EXOC6B: variants seen among roughly 807,000 people sequenced by gnomAD.
The protein encoded by EXOC6B is exocyst complex component 6B.
A neutral mutation model predicts 113.5 loss-of-function variants in EXOC6B; 54 were observed. The observed-to-expected ratio is 0.48, with a 90% CI of 0.38 to 0.60. The LOEUF is 0.60. EXOC6B is among the 20% of genes least tolerant of loss of function. The pLI is 0.00. For missense variants in EXOC6B, 797 were observed against 977.5 expected (o/e 0.82, Z 2.46); for synonymous variants, 357 against 339.0 (o/e 1.05, Z -0.58).
chr2:72,502,373 C>T (rs1700372081), intron 11 of EXOC6B, among the ~76,000 whole-genome samples: 1 of 152,102 alleles, frequency 6.6e-6, no homozygotes, highest in African/African-American at 2.4e-5. Context: ...TACGACAAAA[C>T]CTTATCCCCA....
chr2:72,700,205 G>A (rs1158803987), intron 6 of EXOC6B, among the ~76,000 whole-genome samples: 1 of 145,232 alleles, frequency 6.9e-6, no homozygotes, highest in Non-Finnish European at 1.5e-5. Context: ...TTGGAGGGAT[G>A]GCTGCATCCT....
intron 8 of EXOC6B, among the ~76,000 whole-genome samples, chr2:72,553,571 G>A (rs953501476): frequency 2.6e-5 from 4 of 151,848 alleles, no homozygotes; most frequent in Admixed American, 6.6e-5. Context: ...AACAAAAAAT[G>A]AGCTCAGAAA....
intron 21 of EXOC6B, among the ~76,000 whole-genome samples, chr2:72,183,330 C>G (rs1368092980): frequency 6.6e-6 from 1 of 152,212 alleles, no homozygotes; most frequent in African/African-American, 2.4e-5. Flanking sequence ...TGCCAGCTCT[C>G]TAATAGATTA....
At chr2:72,318,942 G>C (rs1012090927) in intron 20 of EXOC6B, among the ~76,000 whole-genome samples, 1 of 151,018 alleles carries the variant, frequency 6.6e-6, no homozygotes, top group African/African-American at 2.4e-5. Flanking sequence ...ATGTTGGTTG[G>C]GCTTCTATAA....
chr2:72,250,420 G>A (rs1163374736), intron 20 of EXOC6B, among the ~76,000 whole-genome samples: 2 of 152,088 alleles, frequency 1.3e-5, no homozygotes, highest in African/African-American at 2.4e-5. Context: ...TTGGCTCATT[G>A]CAACTTCTGC....
intron 8 of EXOC6B, among the ~76,000 whole-genome samples, chr2:72,517,631 A>G (rs1190880911): frequency 6.6e-6 from 1 of 152,156 alleles, no homozygotes; most frequent in Middle Eastern, 3.2e-3. Context: ...AATCTTAATT[A>G]CATTCTGTAT....
chr2:72,818,847 G>C (rs936251045), intron 1 of EXOC6B, among the ~76,000 whole-genome samples: 2 of 152,152 alleles, frequency 1.3e-5, no homozygotes, highest in Admixed American at 1.3e-4. Context: ...CCCTCACAGA[G>C]AGCCATATGG....
At chr2:72,767,479 G>C (rs1683132007) in intron 1 of EXOC6B, among the ~76,000 whole-genome samples, 2 of 151,882 alleles carry the variant, frequency 1.3e-5, no homozygotes, top group South Asian at 4.2e-4. Context: ...AAGAACTTTT[G>C]TGTATGTGTT....
chr2:72,197,155 G>T (rs561736499), intron 20 of EXOC6B, among the ~76,000 whole-genome samples: 3 of 152,210 alleles, frequency 2.0e-5, no homozygotes, highest in South Asian at 4.1e-4. Flanking sequence ...TGCCATACTG[G>T]GCTAGTTATC....
At chr2:72,703,973 G>A (rs111963908) in intron 6 of EXOC6B, among the ~76,000 whole-genome samples, 5,709 of 151,916 alleles carry the variant, frequency 0.038, 320 homozygotes, top group African/African-American at 0.13. Flanking sequence ...GAAACCAAGC[G>A]GACCTAATAG....
rs532015450 is a variant in EXOC6B, at chr2:72,804,034, A to G, written c.113+21764T>C. On this transcript the variant is annotated intron_variant, in intron 1 of 21. Transcript: ENST00000272427. ...GCTGACAGGAGCTTCTGAGCTATGT[A>G]TATCACCTAAAGCTTCATCTTTACA... Among the ~76,000 whole-genome samples, 5 of 152,324 alleles carry G rather than the reference A, an allele frequency of 3.3e-5. No homozygotes were observed. The South Asian group carries it at 1.0e-3, about 32-fold the overall frequency.
intron 20 of EXOC6B, among the ~76,000 whole-genome samples, chr2:72,275,559 T>C (rs1332229768): frequency 6.6e-6 from 1 of 152,322 alleles, no homozygotes; most frequent in East Asian, 1.9e-4. Context: ...CACATAGACA[T>C]GGATGGTCAA....
chr2:72,335,087 A>G, intron 19 of EXOC6B, 67 bp from the exon 20 acceptor site: 2 of 1,415,008 alleles, frequency 1.4e-6, no homozygotes, highest in Non-Finnish European at 2.0e-6. Context: ...TGGCAGACGG[A>G]TGACAGGGAA....
At chr2:72,560,923 G>A (rs1407442137) in intron 7 of EXOC6B, among the ~76,000 whole-genome samples, 1 of 151,648 alleles carries the variant, frequency 6.6e-6, no homozygotes, top group Non-Finnish European at 1.5e-5. Flanking sequence ...GCAGCATGCA[G>A]TTTAAAAACA....
intron 6 of EXOC6B, among the ~76,000 whole-genome samples, chr2:72,585,040 A>G (rs749470412): frequency 5.9e-5 from 9 of 152,194 alleles, no homozygotes; most frequent in African/African-American, 1.4e-4. Context: ...AGCCCTAAAC[A>G]TCTACCTAAA....
intron 2 of EXOC6B, among the ~76,000 whole-genome samples, chr2:72,735,739 C>T (rs546569987): frequency 1.3e-5 from 2 of 151,702 alleles, no homozygotes; most frequent in Non-Finnish European, 2.9e-5. Context: ...TCGCTTGAAC[C>T]GGGTGGGGGG....
chr2:72,239,787 A>G (rs1682188491), intron 20 of EXOC6B, among the ~76,000 whole-genome samples: 2 of 152,218 alleles, frequency 1.3e-5, no homozygotes, highest in South Asian at 2.1e-4. Flanking sequence ...ATCCATGAGC[A>G]TGAGATATAT....
chr2:72,778,247 T>A (rs1683818486), intron 1 of EXOC6B, among the ~76,000 whole-genome samples: 1 of 152,126 alleles, frequency 6.6e-6, no homozygotes, highest in East Asian at 1.9e-4. Flanking sequence ...TATAAAACAC[T>A]CACTTTAGAT....
intron 6 of EXOC6B, among the ~76,000 whole-genome samples, chr2:72,576,923 G>T (rs2103834521): frequency 6.6e-6 from 1 of 152,166 alleles, no homozygotes; most frequent in South Asian, 2.1e-4. Context: ...GTGGCAAATA[G>T]AAATTAGTTC....
Sources: allele counts gnomAD v4.1 joint callset (sites outside exome capture counted in the v4.1 genomes callset), GRCh38; gene constraint gnomAD v4.1.1; transcripts MANE v1.5; gene names NCBI Gene and HGNC (gene_info 2026-07-23, HGNC 2026-07-21).